The following RABGAP1L variants were observed in gnomAD, a reference collection of about 807,000 sequenced individuals.
RABGAP1L encodes the protein RAB GTPase activating protein 1 like.
RABGAP1L carries 63 observed loss-of-function variants against 137.7 expected under a neutral mutation model. The observed-to-expected ratio is 0.46, with a 90% CI of 0.37 to 0.56. The LOEUF (loss-of-function observed/expected upper bound fraction) is 0.56, where lower values mean the gene tolerates loss of function less well. RABGAP1L is among the 20% of genes least tolerant of loss of function. The pLI, the probability that RABGAP1L is intolerant of heterozygous loss-of-function variation, is 0.00. For missense variants in RABGAP1L, 1,095 were observed against 1,244.0 expected, an observed-to-expected ratio of 0.88 and a Z score of 1.80; for synonymous variants, 431 against 433.7, an observed-to-expected ratio of 0.99 and a Z score of 0.08.
intron 14 of RABGAP1L, among the ~76,000 whole-genome samples, chr1:174,668,836 T>C (rs923481437): frequency 3.9e-5 from 6 of 152,232 alleles, no homozygotes; most frequent in African/African-American, 1.4e-4. Flanking sequence ...ATTGTGGTTT[T>C]GATTTGCATT....
rs116721557 is a variant in RABGAP1L at position 174,472,797 on chromosome 1, A to G, written c.1710+78652A>G. ...GTTTAACATGCATCACATTGTTCAT[A>G]TAACAGTTTAGGTACAATAAACCAC... On this transcript the variant is annotated intron_variant, in intron 13 of 25. Transcript: ENST00000681986. Among the ~76,000 whole-genome samples the G allele has an allele frequency of 3.7e-3, 559 of 152,316 alleles. 4 individuals are homozygous for G. The highest frequency in any genetic ancestry group is 0.012 in the African/African-American group (482 of 41,558).
chr1:174,283,695 C>T (rs944425836), intron 10 of RABGAP1L, among the ~76,000 whole-genome samples: 6 of 152,036 alleles, frequency 3.9e-5, no homozygotes, highest in Non-Finnish European at 8.8e-5. Flanking sequence ...TTAGTAGAGA[C>T]GAGGTTTTGG....
intron 13 of RABGAP1L, among the ~76,000 whole-genome samples, chr1:174,607,830 T>C (rs1023195732): frequency 6.6e-6 from 1 of 152,258 alleles, no homozygotes; most frequent in Non-Finnish European, 1.5e-5. Flanking sequence ...ATGTGTGTTT[T>C]AGAAACCTGT....
intron 17 of RABGAP1L, among the ~76,000 whole-genome samples, chr1:174,718,692 C>G (rs952594599): frequency 3.9e-5 from 6 of 152,068 alleles, no homozygotes; most frequent in African/African-American, 1.4e-4. Flanking sequence ...AGACCCAAAG[C>G]AGTTTACATG....
chr1:174,197,134 T>G (rs966995466), intron 1 of RABGAP1L, among the ~76,000 whole-genome samples: 4 of 152,212 alleles, frequency 2.6e-5, no homozygotes, highest in African/African-American at 7.2e-5. Context: ...TGCCCAGTGC[T>G]TTACATATGA....
chr1:174,747,402 TAAAAAAA>T (rs35889834), intron 17 of RABGAP1L, among the ~76,000 whole-genome samples: 1 of 81,904 alleles, frequency 1.2e-5, no homozygotes, highest in African/African-American at 4.4e-5. Flanking sequence ...ATTCTATCTC[TAAAAAAA>T]AAAAAAAAAA....
chr1:174,936,071 C>T (rs554286020), intron 19 of RABGAP1L, among the ~76,000 whole-genome samples: 2 of 147,572 alleles, frequency 1.4e-5, no homozygotes, highest in East Asian at 4.0e-4. Context: ...AACTTTGTTT[C>T]TGGGTAGAAA....
chr1:174,860,296 G>A (rs886646085), intron 19 of RABGAP1L, among the ~76,000 whole-genome samples: 6 of 151,936 alleles, frequency 3.9e-5, no homozygotes, highest in Non-Finnish European at 7.4e-5. Context: ...GGAGGTGGAA[G>A]GATATTTTAT....
At chr1:174,536,414 G>C (rs1251698974) in intron 13 of RABGAP1L, among the ~76,000 whole-genome samples, 5 of 152,192 alleles carry the variant, frequency 3.3e-5, no homozygotes, top group African/African-American at 1.2e-4. Flanking sequence ...GAGGGAGAGA[G>C]AGGAGAGAAA....
chr1:174,492,717 A>G (rs757450575), intron 13 of RABGAP1L, among the ~76,000 whole-genome samples: 27 of 151,902 alleles, frequency 1.8e-4, no homozygotes, highest in Non-Finnish European at 3.7e-4. Context: ...TACTGTCCCT[A>G]TTCCTCCTCT....
At chr1:174,556,904 T>C (rs759930684) in intron 13 of RABGAP1L, among the ~76,000 whole-genome samples, 1 of 152,180 alleles carries the variant, frequency 6.6e-6, no homozygotes, top group Non-Finnish European at 1.5e-5. Context: ...CATCCCAAAA[T>C]TGAGCATGTC....
At chr1:174,179,383 C>T (rs1666164824) in intron 1 of RABGAP1L, among the ~76,000 whole-genome samples, 1 of 152,194 alleles carries the variant, frequency 6.6e-6, no homozygotes, top group Non-Finnish European at 1.5e-5. Context: ...GCCACTCAAA[C>T]AATTGCACAA....
chr1:174,779,588 A>G (rs989455335), intron 18 of RABGAP1L, among the ~76,000 whole-genome samples: 3 of 152,184 alleles, frequency 2.0e-5, no homozygotes, highest in South Asian at 2.1e-4. Flanking sequence ...TATTTAAGCA[A>G]ACTACACCCC....
chr1:174,856,409 A>AG (rs1392765805), intron 19 of RABGAP1L, among the ~76,000 whole-genome samples: 1 of 149,840 alleles, frequency 6.7e-6, no homozygotes. Context: ...AAAAAAAAAA[A>AG]AAAAGAAAAG....
chr1:174,310,774 A>G (rs1426687655), intron 11 of RABGAP1L, among the ~76,000 whole-genome samples: 1 of 152,058 alleles, frequency 6.6e-6, no homozygotes, highest in Non-Finnish European at 1.5e-5. Context: ...TATTTTGGTA[A>G]AGAATGCAGT....
intron 17 of RABGAP1L, among the ~76,000 whole-genome samples, chr1:174,711,724 G>A (rs1222434820): frequency 1.6e-4 from 25 of 152,220 alleles, no homozygotes; most frequent in Non-Finnish European, 3.7e-4. Flanking sequence ...GAGCCTCCCT[G>A]ACTGGCACTG....
chr1:174,865,083 G>A (rs934956474), intron 19 of RABGAP1L, among the ~76,000 whole-genome samples: 2 of 152,128 alleles, frequency 1.3e-5, no homozygotes, highest in South Asian at 4.1e-4. Flanking sequence ...TTGCGCCACT[G>A]CACTCCAGCC....
chr1:174,570,964 C>T (rs1667933141), intron 13 of RABGAP1L, among the ~76,000 whole-genome samples: 1 of 152,178 alleles, frequency 6.6e-6, no homozygotes, highest in Admixed American at 6.5e-5. Context: ...GAGATACCTG[C>T]ACTTCCATGT....
chr1:174,727,552 A>G (rs759380765), intron 17 of RABGAP1L, among the ~76,000 whole-genome samples: 203 of 152,344 alleles, frequency 1.3e-3, no homozygotes, highest in Non-Finnish European at 2.4e-3. Flanking sequence ...TGGGAAGAGG[A>G]TGACTGAAAG....
Sources: allele counts gnomAD v4.1 joint callset (sites outside exome capture counted in the v4.1 genomes callset), GRCh38; gene constraint gnomAD v4.1.1; transcripts MANE v1.5; gene names NCBI Gene and HGNC (gene_info 2026-07-23, HGNC 2026-07-21).